Variants in MSRA observed in about 807,000 individuals in gnomAD.
MSRA encodes mitochondrial peptide methionine sulfoxide reductase.
A neutral mutation model predicts 31.3 loss-of-function variants in MSRA; 54 were observed. That is an observed-to-expected ratio of 1.73 (90% CI 1.39 to 2.17). The LOEUF (loss-of-function observed/expected upper bound fraction) is 2.17, where lower values mean the gene tolerates loss of function less well. Ranked by LOEUF, MSRA falls within the 30% of genes most tolerant of loss-of-function variation. MSRA has a pLI of 0.00. For missense variants in MSRA, 507 were observed against 300.9 expected (o/e 1.69, Z -5.07); for synonymous variants, 169 against 116.5 (o/e 1.45, Z -2.90).
chr8:10,344,747 CCAACA>C (rs1803664481), intron 5 of MSRA, among the ~76,000 whole-genome samples: 1 of 152,092 alleles, frequency 6.6e-6, no homozygotes, highest in Non-Finnish European at 1.5e-5. Flanking sequence ...GCTTCGTTCA[CCAACA>C]CATTCTCCAT....
At chr8:10,391,412 G>T (rs1003145570) in intron 5 of MSRA, among the ~76,000 whole-genome samples, 1 of 152,216 alleles carries the variant, frequency 6.6e-6, no homozygotes, top group African/African-American at 2.4e-5. Context: ...TGTATGAAAT[G>T]TCTAGCACAC....
intron 5 of MSRA, among the ~76,000 whole-genome samples, chr8:10,371,595 G>C (rs1805479983): frequency 6.6e-6 from 1 of 152,112 alleles, no homozygotes; most frequent in Non-Finnish European, 1.5e-5. Context: ...GACAGTGTTT[G>C]GATCCCTTAG....
At chr8:10,392,787 C>A (rs2129180377) in intron 5 of MSRA, among the ~76,000 whole-genome samples, 1 of 149,204 alleles carries the variant, frequency 6.7e-6, no homozygotes, top group East Asian at 2.0e-4. Context: ...TGGCTCACGC[C>A]TGTAATCCCA....
chr8:10,076,213 G>T (rs1295898574), intron 1 of MSRA, among the ~76,000 whole-genome samples: 1 of 152,240 alleles, frequency 6.6e-6, no homozygotes, highest in Admixed American at 6.5e-5. Flanking sequence ...GCTCCTGCCA[G>T]TTGCACAGAA....
At chr8:10,362,764 C>T (rs571014993) in intron 5 of MSRA, among the ~76,000 whole-genome samples, 1 of 152,162 alleles carries the variant, frequency 6.6e-6, no homozygotes, top group South Asian at 2.1e-4. Flanking sequence ...TCCTGATTTC[C>T]TTCCTGGCCG....
At position 10,264,697 on chromosome 8, in the gene MSRA, C is replaced by T. The variant is rs148882709; in HGVS notation, c.331+19474C>T. Among the ~76,000 whole-genome samples, 719 of 152,246 alleles carry T rather than the reference C, an allele frequency of 4.7e-3. 3 individuals are homozygous for T. Among genetic ancestry groups the T allele is most frequent in the African/African-American group, 0.016 (683 of 41,556 alleles). On this transcript the variant is annotated intron_variant, in intron 3 of 5. Transcript: ENST00000317173. Reference sequence around the variant, plus strand: ...AAAGAGCAAATGGCCTTCTGGTGCACGTGGTCATTAAGGTGAGATGACTAG... The same window carrying T: ...AAAGAGCAAATGGCCTTCTGGTGCATGTGGTCATTAAGGTGAGATGACTAG...
chr8:10,289,101 TGCC>T lies in MSRA; in HGVS notation c.332-12432_332-12430del, dbSNP rs562114400. 2.7e-3 allele frequency among the ~76,000 whole-genome samples: 418 copies of T among 152,146 alleles called. 5 individuals carry two copies. The highest frequency in any genetic ancestry group is 9.6e-3 in the African/African-American group (398 of 41,518). Reference sequence around the variant, plus strand: ...CATGATCTCGGCTCACTGCAACCTCTGCCTCCCAGGTTCAAGCCATTCTCCTGC... The same window carrying T: ...CATGATCTCGGCTCACTGCAACCTCTTCCCAGGTTCAAGCCATTCTCCTGC... On this transcript the variant is annotated intron_variant, in intron 3 of 5. Transcript: ENST00000317173.
At chr8:10,206,653 C>T (rs117637125) in intron 1 of MSRA, among the ~76,000 whole-genome samples, 1,680 of 152,286 alleles carry the variant, frequency 0.011, 14 homozygotes, top group Non-Finnish European at 0.017. Flanking sequence ...TGAAGTTGCT[C>T]TCTCACCCTT....
intron 3 of MSRA, among the ~76,000 whole-genome samples, chr8:10,267,351 T>A (rs1798799389): frequency 6.6e-6 from 1 of 152,146 alleles, no homozygotes; most frequent in Admixed American, 6.5e-5. Context: ...CTGCAGTGGC[T>A]GGGGAGAGCA....
At chr8:10,281,820 A>G (rs933754083) in intron 3 of MSRA, among the ~76,000 whole-genome samples, 1 of 152,142 alleles carries the variant, frequency 6.6e-6, no homozygotes, top group Non-Finnish European at 1.5e-5. Flanking sequence ...GCTATTATCG[A>G]GCTGGGATCC....
At chr8:10,076,216 G>A (rs958957546) in intron 1 of MSRA, among the ~76,000 whole-genome samples, 1 of 152,244 alleles carries the variant, frequency 6.6e-6, no homozygotes, top group Non-Finnish European at 1.5e-5. Flanking sequence ...CCTGCCAGTT[G>A]CACAGAATGT....
intron 5 of MSRA, among the ~76,000 whole-genome samples, chr8:10,335,256 T>TG (rs1563364099): frequency 2.0e-5 from 3 of 146,924 alleles, no homozygotes; most frequent in African/African-American, 7.6e-5. Context: ...CTCTGTTTTT[T>TG]TTTTTTTTTT....
At chr8:10,163,832 C>A (rs924503900) in intron 1 of MSRA, among the ~76,000 whole-genome samples, 1 of 152,224 alleles carries the variant, frequency 6.6e-6, no homozygotes, top group African/African-American at 2.4e-5. Context: ...GTGTGGCAGA[C>A]GAGGGCACAG....
intron 5 of MSRA, among the ~76,000 whole-genome samples, chr8:10,385,520 C>A (rs774063421): frequency 4.6e-5 from 7 of 151,986 alleles, no homozygotes; most frequent in Admixed American, 4.6e-4. Flanking sequence ...ATGGGTTTGA[C>A]CTTGACAATT....
chr8:10,096,345 T>G, intron 1 of MSRA: 1 of 1,042,600 alleles, frequency 9.6e-7, no homozygotes, highest in Non-Finnish European at 1.2e-6. Flanking sequence ...TTTTTTTGTG[T>G]GTCTTTGCTC....
chr8:10,364,221 G>C (rs1288870989), intron 5 of MSRA, among the ~76,000 whole-genome samples: 1 of 152,214 alleles, frequency 6.6e-6, no homozygotes. Flanking sequence ...GCCCGTATGA[G>C]TTATTCAGTC....
intron 5 of MSRA, among the ~76,000 whole-genome samples, chr8:10,399,451 A>G (rs930094250): frequency 5.3e-5 from 8 of 152,186 alleles, no homozygotes; most frequent in Non-Finnish European, 8.8e-5. Flanking sequence ...GTTGCCAGTC[A>G]GTTAGTTCAC....
intron 5 of MSRA, among the ~76,000 whole-genome samples, chr8:10,427,637 C>G (rs764234280): frequency 9.2e-5 from 14 of 152,260 alleles, no homozygotes; most frequent in Non-Finnish European, 1.6e-4. Flanking sequence ...GGTCCTGTTC[C>G]TGAGCTGGTG....
At chr8:10,238,927 T>C (rs765190567) in intron 2 of MSRA, among the ~76,000 whole-genome samples, 4 of 152,122 alleles carry the variant, frequency 2.6e-5, no homozygotes, top group Admixed American at 6.6e-5. Flanking sequence ...ATTTAAAACA[T>C]CTGTATGACA....
Sources: allele counts gnomAD v4.1 joint callset (sites outside exome capture counted in the v4.1 genomes callset), GRCh38; gene constraint gnomAD v4.1.1; transcripts MANE v1.5; gene names NCBI Gene and HGNC (gene_info 2026-07-23, HGNC 2026-07-21).